RPL5: variants seen among roughly 807,000 people sequenced by gnomAD.
The protein encoded by RPL5 is ribosomal protein L5, also known as large ribosomal subunit protein uL18.
Under a neutral mutation model 38.4 loss-of-function variants are expected in RPL5, and 1 was observed. The observed-to-expected ratio is 0.03, with a 90% confidence interval of 0.01 to 0.12. The LOEUF is 0.12. Ranked by LOEUF, RPL5 falls within the 10% of genes least tolerant of loss-of-function variation. RPL5 has a pLI of 1.00. For missense variants in RPL5, 243 were observed against 374.1 expected, an observed-to-expected ratio of 0.65 and a Z score of 2.89; for synonymous variants, 109 against 121.2, an observed-to-expected ratio of 0.90 and a Z score of 0.66.
chr1:92,841,617 G>C, intron 7 of RPL5, 149 bp from the exon 8 acceptor site: 2 of 477,164 alleles, frequency 4.2e-6, no homozygotes, highest in East Asian at 8.5e-5. Context: ...TCATACATAA[G>C]TAAATGTATT....
At position 92,840,649 on chromosome 1, in the gene RPL5, CTT is replaced by C. The variant is rs747509136; in HGVS notation, c.794+18_794+19del. ...AAGTTAAAAAGAAGAGGTATGTCGT[CTT>C]TTTTTTTGTCTTTTCAAGAAAACAG... On this transcript the variant is annotated intron_variant, in intron 7 of 7. Coordinates refer to ENST00000370321, the MANE Select transcript of RPL5 (RefSeq NM_000969.5). The C allele has an allele frequency of 3.2e-6, 5 of 1,573,254 alleles. No individual in the cohort carries two copies. The highest frequency in any genetic ancestry group is 2.2e-5 in the South Asian group (2 of 90,074).
chr1:92,837,894 G>C (rs6659942), intron 6 of RPL5: 10 of 479,832 alleles, frequency 2.1e-5, no homozygotes, highest in Non-Finnish European at 3.8e-5. Context: ...CTGCTTTGTT[G>C]GATAAGAGGT....
intron 3 of RPL5, 172 bp downstream of exon 3, chr1:92,833,832 A>C: frequency 1.6e-6 from 1 of 619,750 alleles, no homozygotes; most frequent in Non-Finnish European, 2.8e-6. Context: ...TTGGTACTTT[A>C]AAAAATGCTC....
intron 6 of RPL5, among the ~76,000 whole-genome samples, chr1:92,839,111 G>A (rs184958437): frequency 8.9e-5 from 13 of 145,770 alleles, no homozygotes; most frequent in Admixed American, 1.4e-4. Context: ...TGTAATCCCC[G>A]GACTTGGGAG....
chr1:92,832,030 G>A (rs954912810), upstream of RPL5: 16 of 1,597,248 alleles, frequency 1.0e-5, no homozygotes, highest in Middle Eastern at 1.6e-4. Flanking sequence ...GCCTGCGCAA[G>A]GGCTGTGGCC....
chr1:92,836,100 C>A, intron 4 of RPL5, 90 bp from the exon 5 acceptor site: 1 of 1,211,640 alleles, frequency 8.3e-7, no homozygotes, highest in Non-Finnish European at 1.2e-6. Flanking sequence ...TTCCAGATGT[C>A]AGTGGTCCTT....
chr1:92,840,656 T>C lies in RPL5; in HGVS notation c.794+17T>C. Reference sequence around the variant, plus strand: ...AAAGAAGAGGTATGTCGTCTTTTTTTTTGTCTTTTCAAGAAAACAGGTTGG... The same window carrying C: ...AAAGAAGAGGTATGTCGTCTTTTTTCTTGTCTTTTCAAGAAAACAGGTTGG... On this transcript the variant is annotated intron_variant, in intron 7 of 7. Coordinates refer to ENST00000370321, the MANE Select transcript of RPL5 (RefSeq NM_000969.5). 6.3e-7 allele frequency: 1 copy of C among 1,594,254 alleles called. No homozygotes were observed. Among genetic ancestry groups the C allele is most frequent in the South Asian group, 1.1e-5 (1 of 90,832 alleles).
At position 92,832,263 on chromosome 1, in the gene RPL5, A is replaced by G. The variant is rs1195067849; in HGVS notation, c.3+146A>G. ...CTGACTTGGTCGAGGTGCAGTTCCC[A>G]GCGTGGCCTTAAATGGCTGCCGCCC... On this transcript the variant is annotated intron_variant, in intron 1 of 7. Transcript: ENST00000370321. The G allele has an allele frequency of 4.5e-6, 6 of 1,344,700 alleles. No individual in the cohort carries two copies. The African/African-American group carries it at 8.7e-5, about 19-fold the overall frequency. The allele number at this position is 1,344,700 out of a possible 1,614,324, so 83.3% of individuals were successfully genotyped here.
chr1:92,833,928 A>G, intron 3 of RPL5: 1 of 439,526 alleles, frequency 2.3e-6, no homozygotes, highest in Non-Finnish European at 4.1e-6. Context: ...CAATATAGTG[A>G]GAGTTTGTCT....
intron 1 of RPL5, 143 bp downstream of exon 1, chr1:92,832,260 C>T: frequency 7.4e-7 from 1 of 1,342,956 alleles, no homozygotes; most frequent in Non-Finnish European, 1.0e-6. Context: ...AGGTGCAGTT[C>T]CCAGCGTGGC....
rs752893229 is a variant in RPL5 at position 92,832,973 on chromosome 1, A to G, written c.4-416A>G. 4.7e-5 allele frequency: 34 copies of G among 726,650 alleles called. No individual in the cohort carries two copies. The East Asian group carries it at 7.6e-4, about 16-fold the overall frequency. The allele number at this position is 726,650 out of a possible 1,614,324, so 45.0% of individuals were successfully genotyped here. On this transcript the variant is annotated intron_variant, in intron 1 of 7. Coordinates refer to ENST00000370321, the MANE Select transcript of RPL5 (RefSeq NM_000969.5). ...TGTTCCGAACAAACCGACGTTTGGC[A>G]TCACTGATTGCTGTCTGGAGCAGTG...
At chr1:92,832,031 G>C (rs1571020673), upstream of RPL5, 5 of 1,598,364 alleles carry the variant, frequency 3.1e-6, no homozygotes, top group South Asian at 4.5e-5. Context: ...CCTGCGCAAG[G>C]GCTGTGGCCC....
At position 92,840,600 on chromosome 1, in the gene RPL5, T is replaced by C; in HGVS notation, c.755T>C (p.Val252Ala). 1 of 1,612,540 alleles carries C rather than the reference T, an allele frequency of 6.2e-7. No homozygotes were observed. The highest frequency in any genetic ancestry group is 8.5e-7 in the Non-Finnish European group (1 of 1,179,908). ...CATGCTGCTATACGAGAGAATCCAG[T>C]CTATGAAAAGAAGCCCAAGAAAGAA... The part of the protein sequence containing the change: ...KAHAAIRENP[V>A]YEKKPKKEVK... Residue 252 changes from valine to alanine, a missense_variant, in exon 7 of 8, where the codon GTC (valine) becomes GCC (alanine). Val to Ala is a moderately conservative substitution (Grantham distance 64, BLOSUM62 0). Transcript: ENST00000370321.
At chr1:92,832,846 G>A (rs916000397) in intron 1 of RPL5, 1 of 610,916 alleles carries the variant, frequency 1.6e-6, no homozygotes, top group Non-Finnish European at 2.9e-6. Context: ...GCCCAGTTAA[G>A]CTTTGTGGCA....
intron 6 of RPL5, among the ~76,000 whole-genome samples, chr1:92,839,084 G>T (rs751632037): frequency 4.6e-5 from 7 of 151,474 alleles, no homozygotes; most frequent in African/African-American, 1.7e-4. Context: ...CCCTGGCGGG[G>T]CATGGTGGCT....
intron 3 of RPL5, among the ~76,000 whole-genome samples, chr1:92,834,206 A>G (rs1367127226): frequency 1.3e-5 from 2 of 152,210 alleles, no homozygotes; most frequent in Non-Finnish European, 2.9e-5. Context: ...ATGGCCTTAT[A>G]TGCCACTTAA....
chr1:92,841,656 G>A (rs112571271), intron 7 of RPL5, 110 bp from the exon 8 acceptor site: 2 of 645,692 alleles, frequency 3.1e-6, no homozygotes, highest in East Asian at 3.6e-5. Flanking sequence ...CCTTCTGATT[G>A]CAAAGTCTTA....
Position 92,837,619 on chromosome 1 carries a change from G to T in RPL5, c.691G>T (p.Val231Leu). 1 of 1,611,832 alleles carries T rather than the reference G, an allele frequency of 6.2e-7. No individual in the cohort carries two copies. Among genetic ancestry groups the T allele is most frequent in the Non-Finnish European group, 8.5e-7 (1 of 1,179,438 alleles). Residue 231 changes from valine to leucine, a missense_variant, in exon 6 of 8, where the codon GTA becomes TTA. Coordinates refer to ENST00000370321, the MANE Select transcript of RPL5 (RefSeq NM_000969.5). ...GTTCTCTCAATACATAAAGAACAGC[G>T]TAACTCCAGACATGGTAAAACATTT... is the stretch of plus-strand genomic sequence containing the variant. ...KQFSQYIKNS[V>L]TPDMMEEMYK...
At position 92,841,827 on chromosome 1, in the gene RPL5, A is replaced by T; in HGVS notation, c.856A>T (p.Ser286Cys). The change falls in exon 8 of 8, where the codon AGC becomes TGC. Residue 286 changes from serine to cysteine, a missense_variant. Physicochemically the swap from Ser to Cys is moderately radical, Grantham distance 112. Transcript: ENST00000370321. ...GGATCGGGTAGCTCAAAAGAAGGCAAGCTTCCTCAGAGCTCAGGAGCGGGC... is the reference window on the plus strand; with the variant it reads ...GGATCGGGTAGCTCAAAAGAAGGCATGCTTCCTCAGAGCTCAGGAGCGGGC... ...KKDRVAQKKA[S>C]FLRAQERAAE... 6.2e-7 allele frequency: 1 copy of T among 1,611,888 alleles called. No homozygotes were observed. The highest frequency in any genetic ancestry group is 8.5e-7 in the Non-Finnish European group (1 of 1,179,798).
Sources: gnomAD v4.1 joint callset for allele counts (sites outside exome capture counted in the v4.1 genomes callset) on GRCh38, gnomAD v4.1.1 for gene constraint, MANE v1.5 for transcripts, NCBI Gene and HGNC (gene_info 2026-07-23, HGNC 2026-07-21) for gene names.